The following RPS6KA2 variants were observed in gnomAD, a reference collection of about 807,000 sequenced individuals.
RPS6KA2 encodes the protein ribosomal protein S6 kinase alpha-2.
In RPS6KA2, 42 loss-of-function variants were observed where a neutral mutation model predicts 91.8. The ratio of observed to expected loss-of-function variants is 0.46; its 90% confidence interval spans 0.36 to 0.59. The LOEUF (loss-of-function observed/expected upper bound fraction) is 0.59, where lower values mean the gene tolerates loss of function less well. Among genes scored for constraint, RPS6KA2 ranks in the 20% least tolerant of loss-of-function variants. The probability of loss-of-function intolerance (pLI) is 0.00; values close to 1 mark genes in which losing one functional copy is unlikely to be tolerated. For synonymous variants in RPS6KA2, 414 were observed against 393.6 expected (o/e 1.05, Z -0.61); for missense variants, 798 against 978.5 (o/e 0.82, Z 2.46).
intron 14 of RPS6KA2, among the ~76,000 whole-genome samples, chr6:166,436,220 G>T (rs984167707): frequency 6.6e-6 from 1 of 151,554 alleles, no homozygotes; most frequent in African/African-American, 2.4e-5. Flanking sequence ...GCTGCTTTCG[G>T]TCCTGTCTGA....
intron 3 of RPS6KA2, among the ~76,000 whole-genome samples, chr6:166,521,833 T>C (rs930685516): frequency 6.6e-6 from 1 of 152,206 alleles, no homozygotes; most frequent in Admixed American, 6.5e-5. Context: ...ACTGTGTATG[T>C]TCCCCCCACT....
chr6:166,422,110 G>A lies in RPS6KA2; in HGVS notation c.1743+1146C>T, dbSNP rs190539940. 5.7e-3 allele frequency among the ~76,000 whole-genome samples: 868 copies of A among 152,238 alleles called. 7 individuals carry two copies. The highest frequency in any genetic ancestry group is 0.02 in the African/African-American group (819 of 41,538). On this transcript the variant is annotated intron_variant, in intron 17 of 20. Coordinates refer to ENST00000265678, the MANE Select transcript of RPS6KA2 (RefSeq NM_021135.6). ...AGACGGGGTTTCACCATGTTGGCCA[G>A]GCTGGTCTCCAACTCCTGACCTCAG...
intron 3 of RPS6KA2, among the ~76,000 whole-genome samples, chr6:166,517,627 C>T (rs1192070119): frequency 1.3e-5 from 2 of 151,564 alleles, no homozygotes; most frequent in African/African-American, 2.4e-5. Flanking sequence ...AGGCGCCCGC[C>T]ACCGCGCCCG....
At chr6:166,568,076 C>G (rs1784555976) in intron 1 of RPS6KA2, among the ~76,000 whole-genome samples, 1 of 152,136 alleles carries the variant, frequency 6.6e-6, no homozygotes, top group African/African-American at 2.4e-5. Flanking sequence ...CCTTGGACAT[C>G]CTGCTCTCGT....
chr6:166,766,458 CT>C (rs1327706128), intron 2 of RPS6KA2, among the ~76,000 whole-genome samples: 1 of 151,882 alleles, frequency 6.6e-6, no homozygotes, highest in Non-Finnish European at 1.5e-5. Context: ...AATGAAAAGC[CT>C]TGGTAATTTT....
At chr6:166,571,180 C>T (rs571304475) in intron 1 of RPS6KA2, among the ~76,000 whole-genome samples, 153 of 152,318 alleles carry the variant, frequency 1.0e-3, no homozygotes, top group African/African-American at 3.6e-3. Flanking sequence ...ACAGTAAGCG[C>T]GGGACCAACC....
chr6:166,626,934 A>C lies in RPS6KA2; in HGVS notation c.86T>G (p.Leu29Arg). Residue 29 changes from leucine (L) to arginine (R), a missense_variant, in exon 1 of 21, where the codon CTG becomes CGG. Coordinates refer to ENST00000265678, the MANE Select transcript of RPS6KA2 (RefSeq NM_021135.6). This position sits in a 1 kb window ranked among gnomAD's most constrained non-coding sequence, Gnocchi z 4.1. ...RRKSRSKSSS[L>R]SRLEEEGVVK... Reference sequence around the variant, plus strand: ...CGGCCGCATTACCTCGAGCCGGCTCAGGCTGGAGCTCTTGGAGCGCGACTT... The same window carrying C: ...CGGCCGCATTACCTCGAGCCGGCTCCGGCTGGAGCTCTTGGAGCGCGACTT... 2 of 1,542,516 alleles carry C rather than the reference A, an allele frequency of 1.3e-6. No individual in the cohort carries two copies. The highest frequency in any genetic ancestry group is 1.8e-6 in the Non-Finnish European group (2 of 1,142,548).
At chr6:166,721,824 AG>A (rs1790182696) in intron 2 of RPS6KA2, among the ~76,000 whole-genome samples, 1 of 2,070 alleles carries the variant, frequency 4.8e-4, no homozygotes, top group Non-Finnish European at 7.7e-4. Context: ...GCCAGCTCAG[AG>A]GAGGAGCCGG....
Position 166,627,237 on chromosome 6 carries a change from G to C in RPS6KA2, c.-218C>G, listed in dbSNP as rs1326680212. The C allele has an allele frequency of 9.8e-7, 1 of 1,019,666 alleles. No individual in the cohort carries two copies. Among genetic ancestry groups the C allele is most frequent in the African/African-American group, 1.7e-5 (1 of 57,894 alleles). The allele number at this position is 1,019,666 out of a possible 1,614,324, so 63.2% of individuals were successfully genotyped here. On this transcript the variant is annotated 5_prime_UTR_variant, in exon 1 of 21. Coordinates refer to ENST00000265678, the MANE Select transcript of RPS6KA2 (RefSeq NM_021135.6). ...AATCGCTCCCTCCGCCTCCTTCTCC[G>C]CCTCCCCTGCGAGTACCAGCGCCGG...
At chr6:166,488,629 T>C (rs1186596141) in intron 10 of RPS6KA2, among the ~76,000 whole-genome samples, 2 of 152,210 alleles carry the variant, frequency 1.3e-5, no homozygotes, top group Non-Finnish European at 1.5e-5. Flanking sequence ...TGGCAGCAAC[T>C]ATGTGTTTTA....
chr6:166,449,552 A>G (rs1314264618), intron 13 of RPS6KA2, among the ~76,000 whole-genome samples: 1 of 152,072 alleles, frequency 6.6e-6, no homozygotes, highest in Admixed American at 6.6e-5. Context: ...CCTTCCAAAG[A>G]CCTCCCAAAG....
chr6:166,755,830 C>T (rs909360598), intron 2 of RPS6KA2, among the ~76,000 whole-genome samples: 2 of 152,146 alleles, frequency 1.3e-5, no homozygotes, highest in Non-Finnish European at 2.9e-5. Flanking sequence ...CAAGATGTAA[C>T]GGACTCAGGG....
intron 17 of RPS6KA2, among the ~76,000 whole-genome samples, chr6:166,420,292 G>A (rs1017188663): frequency 2.6e-5 from 4 of 152,156 alleles, no homozygotes; most frequent in African/African-American, 9.7e-5. Context: ...CTTTTTAAGT[G>A]CACAGTTTAG....
chr6:166,619,459 G>C (rs1410935490), intron 1 of RPS6KA2, among the ~76,000 whole-genome samples: 1 of 152,224 alleles, frequency 6.6e-6, no homozygotes, highest in Non-Finnish European at 1.5e-5. Context: ...CAGGCAAGAG[G>C]GCTTCTCGTA....
chr6:166,789,917 A>G (rs1779037795), intron 2 of RPS6KA2, among the ~76,000 whole-genome samples: 1 of 152,206 alleles, frequency 6.6e-6, no homozygotes, highest in Non-Finnish European at 1.5e-5. Context: ...TGGGGAAAAA[A>G]CAGAGCAGAA....
At chr6:166,704,484 C>T (rs1301478792) in intron 2 of RPS6KA2, among the ~76,000 whole-genome samples, 3 of 152,238 alleles carry the variant, frequency 2.0e-5, no homozygotes, top group East Asian at 1.9e-4. Context: ...GAGCCAATTT[C>T]TCTGATGCAC....
At chr6:166,536,273 C>CACTCCAGCAGCTTGGCGTG (rs1783475451) in intron 2 of RPS6KA2, among the ~76,000 whole-genome samples, 1 of 152,202 alleles carries the variant, frequency 6.6e-6, no homozygotes, top group African/African-American at 2.4e-5. Context: ...GAGGTGGAAA[C>CACTCCAGCAGCTTGGCGTG]CTGAAGAACA....
chr6:166,845,963 C>A (rs957309610), intron 2 of RPS6KA2, among the ~76,000 whole-genome samples: 1 of 151,764 alleles, frequency 6.6e-6, no homozygotes, highest in South Asian at 2.1e-4. Flanking sequence ...AGATCATTAG[C>A]GAGATTAACC....
chr6:166,761,776 C>T (rs1390580985), intron 2 of RPS6KA2, among the ~76,000 whole-genome samples: 1 of 152,194 alleles, frequency 6.6e-6, no homozygotes, highest in African/African-American at 2.4e-5. Flanking sequence ...CCTTCCTAGG[C>T]CCCGGGGAGA....
Sources: allele counts gnomAD v4.1 joint callset (sites outside exome capture counted in the v4.1 genomes callset), GRCh38; gene constraint gnomAD v4.1.1; non-coding constraint Gnocchi (gnomAD v3.1); transcripts MANE v1.5; gene names NCBI Gene and HGNC (gene_info 2026-07-23, HGNC 2026-07-21).